CTNND2: variants seen among roughly 807,000 people sequenced by gnomAD.
CTNND2 encodes catenin delta 2.
In CTNND2, 22 loss-of-function variants were observed where a neutral mutation model predicts 144.4. The observed-to-expected ratio is 0.15, with a 90% CI of 0.11 to 0.22. The LOEUF (loss-of-function observed/expected upper bound fraction) is 0.22. CTNND2 is among the 10% of genes least tolerant of loss of function. The pLI is 1.00. For missense variants in CTNND2, 1,353 were observed against 1,618.8 expected, an observed-to-expected ratio of 0.84 and a Z score of 2.82; for synonymous variants, 751 against 695.6, an observed-to-expected ratio of 1.08 and a Z score of -1.25.
intron 14 of CTNND2, among the ~76,000 whole-genome samples, chr5:11,106,488 C>T (rs559343144): frequency 1.3e-5 from 2 of 152,314 alleles, no homozygotes; most frequent in East Asian, 1.9e-4. Flanking sequence ...GTGCCTACAC[C>T]TTCCCGCCCA....
chr5:11,604,792 C>T (rs1487064445), intron 2 of CTNND2, among the ~76,000 whole-genome samples: 3 of 152,186 alleles, frequency 2.0e-5, no homozygotes, highest in African/African-American at 7.2e-5. Flanking sequence ...ATTTATAATA[C>T]CAAGTACATC....
At chr5:11,184,253 C>G (rs957099097) in intron 11 of CTNND2, among the ~76,000 whole-genome samples, 1 of 152,140 alleles carries the variant, frequency 6.6e-6, no homozygotes, top group Admixed American at 6.5e-5. Flanking sequence ...ATGAAAGTAG[C>G]CTTTTTTCTA....
chr5:11,472,153 T>TG (rs1430473714), intron 3 of CTNND2, among the ~76,000 whole-genome samples: 3 of 152,160 alleles, frequency 2.0e-5, no homozygotes, highest in African/African-American at 4.8e-5. Flanking sequence ...TTAAATTTTT[T>TG]GGGGGGGATC....
intron 9 of CTNND2, among the ~76,000 whole-genome samples, chr5:11,332,688 T>C (rs906469783): frequency 2.0e-5 from 3 of 152,184 alleles, no homozygotes; most frequent in African/African-American, 7.2e-5. Context: ...TTTGGTCTCT[T>C]AGATTTGACT....
At chr5:11,236,192 G>A (rs1003942888) in intron 10 of CTNND2, among the ~76,000 whole-genome samples, 11 of 152,156 alleles carry the variant, frequency 7.2e-5, no homozygotes, top group African/African-American at 1.9e-4. Context: ...TCCATTATTC[G>A]TTTGTAAATA....
At chr5:11,824,634 A>G (rs924224074) in intron 1 of CTNND2, among the ~76,000 whole-genome samples, 1 of 152,174 alleles carries the variant, frequency 6.6e-6, no homozygotes, top group Non-Finnish European at 1.5e-5. Context: ...CTCCTACCCA[A>G]GAAAAATCAG....
intron 1 of CTNND2, among the ~76,000 whole-genome samples, chr5:11,798,853 C>T (rs1002573588): frequency 3.3e-5 from 5 of 152,094 alleles, no homozygotes; most frequent in African/African-American, 7.2e-5. Context: ...TGTGTTAAAA[C>T]GTACTGTATA....
intron 12 of CTNND2, among the ~76,000 whole-genome samples, chr5:11,147,744 T>C (rs1460651079): frequency 6.6e-6 from 1 of 150,964 alleles, no homozygotes; most frequent in Non-Finnish European, 1.5e-5. Flanking sequence ...GCCCAGATAA[T>C]GTAATGGAGG....
intron 1 of CTNND2, among the ~76,000 whole-genome samples, chr5:11,794,008 G>T (rs548789062): frequency 6.6e-6 from 1 of 152,166 alleles, no homozygotes; most frequent in Non-Finnish European, 1.5e-5. Flanking sequence ...GGTGTAAAGC[G>T]TGTTTTGTTG....
intron 9 of CTNND2, among the ~76,000 whole-genome samples, chr5:11,271,743 C>T (rs1252054217): frequency 6.6e-6 from 1 of 152,092 alleles, no homozygotes; most frequent in Non-Finnish European, 1.5e-5. Context: ...CTCCAATTAC[C>T]AAGTGGGTCC....
chr5:11,662,231 ATG>A (rs1561669400), intron 2 of CTNND2, among the ~76,000 whole-genome samples: 2,436 of 143,248 alleles, frequency 0.017, 100 homozygotes, highest in African/African-American at 0.06. Context: ...ATGTGTATAT[ATG>A]TATATATATA....
At chr5:11,346,244 G>A in intron 9 of CTNND2, 128 bp downstream of exon 9, 2 of 897,486 alleles carry the variant, frequency 2.2e-6, no homozygotes, top group Middle Eastern at 2.6e-4. Context: ...TCAAACAAAA[G>A]AAAACCCAAG....
intron 12 of CTNND2, among the ~76,000 whole-genome samples, chr5:11,145,643 T>A (rs1352909970): frequency 9.9e-5 from 15 of 152,062 alleles, no homozygotes; most frequent in Non-Finnish European, 4.4e-5. Flanking sequence ...CCTCTTCTCC[T>A]CCTTGTCCCT....
At chr5:11,541,588 G>A (rs145512818) in intron 3 of CTNND2, among the ~76,000 whole-genome samples, 3 of 152,228 alleles carry the variant, frequency 2.0e-5, no homozygotes, top group African/African-American at 4.8e-5. Flanking sequence ...AGAGAATGAC[G>A]AACACACTTG....
intron 3 of CTNND2, among the ~76,000 whole-genome samples, chr5:11,545,940 T>A (rs960311577): frequency 1.3e-5 from 2 of 152,186 alleles, no homozygotes; most frequent in African/African-American, 4.8e-5. Flanking sequence ...CATACCTATA[T>A]CATTAACTAT....
At chr5:11,134,695 C>A (rs1435524802) in intron 12 of CTNND2, among the ~76,000 whole-genome samples, 1 of 152,200 alleles carries the variant, frequency 6.6e-6, no homozygotes, top group Non-Finnish European at 1.5e-5. Flanking sequence ...TTTTAGATGT[C>A]TCTTGTTGCA....
intron 1 of CTNND2, among the ~76,000 whole-genome samples, chr5:11,889,700 T>C (rs978883871): frequency 2.6e-5 from 4 of 152,202 alleles, no homozygotes; most frequent in African/African-American, 9.6e-5. Context: ...ATACAGACAT[T>C]TCTTATATGA....
chr5:11,525,411 C>A (rs1356246868), intron 3 of CTNND2, among the ~76,000 whole-genome samples: 1 of 151,474 alleles, frequency 6.6e-6, no homozygotes, highest in Non-Finnish European at 1.5e-5. Flanking sequence ...AAAAAAAAAA[C>A]ACATAATCAT....
chr5:11,200,679 T>G (rs919667462), intron 10 of CTNND2, among the ~76,000 whole-genome samples: 1 of 152,132 alleles, frequency 6.6e-6, no homozygotes, highest in Non-Finnish European at 1.5e-5. Flanking sequence ...CTTTCTTTTC[T>G]TTTTTCTTTT....
Sources: allele counts gnomAD v4.1 joint callset (sites outside exome capture counted in the v4.1 genomes callset), GRCh38; gene constraint gnomAD v4.1.1; transcripts MANE v1.5; gene names NCBI Gene and HGNC (gene_info 2026-07-23, HGNC 2026-07-21).